The following RYR3 variants were observed in gnomAD, a reference collection of about 807,000 sequenced individuals.
RYR3 encodes brain ryanodine receptor-calcium release channel.
Under a neutral mutation model 584.3 loss-of-function variants are expected in RYR3, and 207 were observed. That is an observed-to-expected ratio of 0.35 (90% CI 0.32 to 0.40). The LOEUF (loss-of-function observed/expected upper bound fraction) is 0.40, where lower values mean the gene tolerates loss of function less well. Ranked by LOEUF, RYR3 falls within the 10% of genes least tolerant of loss-of-function variation. The pLI is 1.00. For synonymous variants in RYR3, 2,416 were observed against 2,248.5 expected (o/e 1.07, Z -2.11); for missense variants, 5,616 against 6,089.2 (o/e 0.92, Z 2.59).
At chr15:33,849,260 C>G (rs1448440276) in intron 94 of RYR3, 1 of 152,244 alleles carries the variant, frequency 6.6e-6, no homozygotes, top group Non-Finnish European at 1.5e-5. Flanking sequence ...CCTGTGGAGG[C>G]AAGCCTGCCT....
intron 93 of RYR3, among the ~76,000 whole-genome samples, chr15:33,846,316 A>C (rs757092108): frequency 1.3e-5 from 2 of 152,210 alleles, no homozygotes; most frequent in Non-Finnish European, 2.9e-5. Flanking sequence ...TCCCAGATGC[A>C]CTGCTGCATG....
At chr15:33,641,363 G>C (rs999722144) in intron 27 of RYR3, among the ~76,000 whole-genome samples, 1 of 152,212 alleles carries the variant, frequency 6.6e-6, no homozygotes, top group Non-Finnish European at 1.5e-5. Flanking sequence ...AGATGTATCT[G>C]TAGAGCACTA....
intron 1 of RYR3, among the ~76,000 whole-genome samples, chr15:33,383,389 T>A (rs747132298): frequency 2.6e-5 from 4 of 151,264 alleles, no homozygotes; most frequent in Non-Finnish European, 5.9e-5. Context: ...TGATATGTCA[T>A]ATTTGTGGTA....
intron 86 of RYR3, among the ~76,000 whole-genome samples, chr15:33,834,706 G>T (rs1193568558): frequency 1.3e-5 from 2 of 152,138 alleles, no homozygotes; most frequent in African/African-American, 4.8e-5. Flanking sequence ...GTAAGCTTTT[G>T]TTTTAAGAAC....
intron 1 of RYR3, among the ~76,000 whole-genome samples, chr15:33,332,523 T>C (rs2140687535): frequency 6.6e-6 from 1 of 152,198 alleles, no homozygotes. Flanking sequence ...ACAGAAATTA[T>C]AAAAAGTGAT....
chr15:33,456,064 T>C (rs1301964806), intron 1 of RYR3, among the ~76,000 whole-genome samples: 1 of 152,190 alleles, frequency 6.6e-6, no homozygotes, highest in Non-Finnish European at 1.5e-5. Flanking sequence ...TAATCTAATC[T>C]TGAAAATTTA....
chr15:33,660,167 C>A, intron 33 of RYR3, 30 bp from the exon 34 acceptor site: 1 of 1,488,196 alleles, frequency 6.7e-7, no homozygotes, highest in Non-Finnish European at 9.2e-7. Context: ...CTGTGTGTTT[C>A]TTTTCCAATG....
intron 23 of RYR3, among the ~76,000 whole-genome samples, chr15:33,631,687 A>G (rs1263115254): frequency 1.3e-5 from 2 of 152,186 alleles, no homozygotes; most frequent in African/African-American, 2.4e-5. Flanking sequence ...CTCTGCCACC[A>G]TTCGTTTGAC....
At chr15:33,342,983 G>A (rs1299203949) in intron 1 of RYR3, among the ~76,000 whole-genome samples, 2 of 152,142 alleles carry the variant, frequency 1.3e-5, no homozygotes, top group Non-Finnish European at 2.9e-5. Context: ...TGTTTTAAAT[G>A]TTCTGTCTCA....
intron 36 of RYR3, among the ~76,000 whole-genome samples, chr15:33,668,833 A>T (rs2152719469): frequency 6.6e-6 from 1 of 152,348 alleles, no homozygotes; most frequent in East Asian, 1.9e-4. Flanking sequence ...CATGAAAAAA[A>T]ATTATTTTAA....
intron 1 of RYR3, among the ~76,000 whole-genome samples, chr15:33,409,426 C>T (rs1196353225): frequency 1.3e-5 from 2 of 152,000 alleles, no homozygotes; most frequent in Non-Finnish European, 2.9e-5. Flanking sequence ...GCTCTCTACT[C>T]TCTGATACTC....
chr15:33,662,285 C>G lies in RYR3; in HGVS notation c.4755C>G (p.Asp1585Glu). 1 of 1,611,102 alleles carries G rather than the reference C, an allele frequency of 6.2e-7. No individual in the cohort carries two copies. Among genetic ancestry groups the G allele is most frequent in the Non-Finnish European group, 8.5e-7 (1 of 1,178,846 alleles). Residue 1585 changes from aspartate (D) to glutamate (E), a missense_variant, in exon 35 of 104, where the codon GAC becomes GAG. By Grantham distance (45) the Asp-to-Glu change is conservative (BLOSUM62 2). Around this residue, in one of 9 missense-constraint regions of RYR3, gnomAD observed 753 missense variants for 741.0 expected, o/e 1.02. Coordinates refer to ENST00000634891, the MANE Select transcript of RYR3 (RefSeq NM_001036.6). ...RVAYALCSHV[D>E]LSQLFYAIDN... is the part of the protein sequence containing the mutation. ...CCTACGCCCTGTGCAGCCACGTGGACCTCTCCCAGCTCTTCTATGCCATTG... is the reference window on the plus strand; with the variant it reads ...CCTACGCCCTGTGCAGCCACGTGGAGCTCTCCCAGCTCTTCTATGCCATTG...
rs1046544602 is a variant in RYR3, at chr15:33,586,090, T to A, written c.1762T>A (p.Leu588Met). Residue 588 changes from leucine (L) to methionine (M), a missense_variant, in exon 16 of 104, where the codon TTG (leucine) becomes ATG (methionine). By Grantham distance (15) the Leu-to-Met change is conservative (BLOSUM62 2). Transcript: ENST00000634891. Reference sequence around the variant, plus strand: ...CCACATCAAGTCGATCATCTCCCTGTTGGATAAGCACGGGCGGAATCACAA... The same window carrying A: ...CCACATCAAGTCGATCATCTCCCTGATGGATAAGCACGGGCGGAATCACAA... ...EGHIKSIISL[L>M]DKHGRNHKVL... 4.3e-6 allele frequency: 7 copies of A among 1,611,964 alleles called. 1 individual carries two copies. In the South Asian group the frequency reaches 7.7e-5, roughly 18 times the overall value.
intron 19 of RYR3, among the ~76,000 whole-genome samples, chr15:33,614,714 A>G (rs1185095747): frequency 6.6e-6 from 1 of 151,948 alleles, no homozygotes; most frequent in Admixed American, 6.6e-5. Context: ...TAATAATTTT[A>G]TATTAAGGAT....
chr15:33,468,990 G>A (rs567118937), intron 1 of RYR3, among the ~76,000 whole-genome samples: 2 of 152,304 alleles, frequency 1.3e-5, no homozygotes, highest in Admixed American at 6.5e-5. Flanking sequence ...GTGTTGATGC[G>A]AAGCTTAAAT....
chr15:33,805,507 C>T (rs558854609), intron 69 of RYR3, among the ~76,000 whole-genome samples: 61 of 146,902 alleles, frequency 4.2e-4, no homozygotes, highest in African/African-American at 1.0e-3. Flanking sequence ...AGACGGAGTC[C>T]TGCTCTGTCG....
At chr15:33,441,565 C>T (rs1413578957) in intron 1 of RYR3, among the ~76,000 whole-genome samples, 2 of 151,864 alleles carry the variant, frequency 1.3e-5, no homozygotes, top group African/African-American at 2.4e-5. Context: ...GACTTAAACC[C>T]ATTTATTCTT....
At chr15:33,853,526 T>A (rs2079324347) in intron 95 of RYR3, 29 bp from the exon 96 acceptor site, 1 of 1,609,790 alleles carries the variant, frequency 6.2e-7, no homozygotes, top group Non-Finnish European at 8.5e-7. Context: ...GCGTGTGGCC[T>A]GAGCTCACCC....
Position 33,711,235 on chromosome 15 carries a change from A to ATTT in RYR3, c.6619+4205_6619+4207dup, listed in dbSNP as rs143373949. On this transcript the variant is annotated intron_variant, in intron 43 of 103. Transcript: ENST00000634891. The stretch of plus-strand genomic sequence containing the variant: ...AGCAGCCATGCCACTTCTTTCTTTC[A>ATTT]TTTTTTTTTTTTTTTTTTTTTTTTT... Among the ~76,000 whole-genome samples, 45 of 75,806 alleles carry ATTT rather than the reference A, an allele frequency of 5.9e-4. 2 individuals are homozygous for ATTT. The highest frequency in any genetic ancestry group is 2.3e-3 in the African/African-American group (43 of 18,774). The allele number at this position is 75,806 out of a possible 152,430, so 49.7% of individuals were successfully genotyped here.
Sources: gnomAD v4.1 joint callset for allele counts (sites outside exome capture counted in the v4.1 genomes callset) on GRCh38, gnomAD v4.1.1 for gene constraint, gnomAD v4.1.1 regional missense constraint, MANE v1.5 for transcripts, NCBI Gene and HGNC (gene_info 2026-07-23, HGNC 2026-07-21) for gene names.